Variants in NR5A2 observed in about 807,000 individuals in gnomAD.
NR5A2 encodes the protein nuclear receptor subfamily 5 group A member 2.
In NR5A2, 26 loss-of-function variants were observed where a neutral mutation model predicts 62.7. The ratio of observed to expected loss-of-function variants is 0.41; its 90% CI spans 0.30 to 0.58. The LOEUF is 0.58. NR5A2 is among the 20% of genes least tolerant of loss of function. The probability of loss-of-function intolerance (pLI) is 0.22; values close to 1 mark genes in which losing one functional copy is unlikely to be tolerated. For synonymous variants in NR5A2, 246 were observed against 241.7 expected, an observed-to-expected ratio of 1.02 and a Z score of -0.16; for missense variants, 541 against 669.1, an observed-to-expected ratio of 0.81 and a Z score of 2.11.
chr1:200,172,775 A>G (rs1481083275), intron 7 of NR5A2, among the ~76,000 whole-genome samples: 1 of 152,258 alleles, frequency 6.6e-6, no homozygotes, highest in African/African-American at 2.4e-5. Flanking sequence ...AAAACAGTAT[A>G]TAGTGGGTAT....
At chr1:200,077,979 T>A (rs926210489) in intron 5 of NR5A2, among the ~76,000 whole-genome samples, 3 of 152,136 alleles carry the variant, frequency 2.0e-5, no homozygotes, top group Non-Finnish European at 4.4e-5. Context: ...TTGCATGCAA[T>A]CCCAGGGCTT....
At chr1:200,121,197 G>A (rs879382059) in intron 7 of NR5A2, among the ~76,000 whole-genome samples, 3 of 152,240 alleles carry the variant, frequency 2.0e-5, no homozygotes, top group South Asian at 2.1e-4. Flanking sequence ...ATGAGTCCTG[G>A]TTTTTCTTCC....
chr1:200,090,283 C>T (rs1188806345), intron 5 of NR5A2, among the ~76,000 whole-genome samples: 7 of 152,168 alleles, frequency 4.6e-5, no homozygotes, highest in African/African-American at 1.7e-4. Flanking sequence ...AGTTCCCACA[C>T]CTTTTGGTCT....
intron 6 of NR5A2, among the ~76,000 whole-genome samples, chr1:200,113,176 T>C (rs145500133): frequency 6.6e-6 from 1 of 152,096 alleles, no homozygotes; most frequent in African/African-American, 2.4e-5. Flanking sequence ...GGTGGAGAAA[T>C]AGTTATTTCC....
intron 5 of NR5A2, among the ~76,000 whole-genome samples, chr1:200,070,185 A>G (rs1663672625): frequency 6.6e-6 from 1 of 152,092 alleles, no homozygotes; most frequent in Admixed American, 6.5e-5. Flanking sequence ...CCTGTTCATA[A>G]TAAGCTGTCA....
intron 5 of NR5A2, chr1:200,057,955 G>C (rs1662996579): frequency 6.6e-6 from 1 of 152,586 alleles, no homozygotes; most frequent in Non-Finnish European, 1.5e-5. Flanking sequence ...GCGCCACCAT[G>C]CCTAGCTAAT....
chr1:200,092,438 G>T (rs1416782845), intron 5 of NR5A2, among the ~76,000 whole-genome samples: 1 of 152,156 alleles, frequency 6.6e-6, no homozygotes, highest in Non-Finnish European at 1.5e-5. Flanking sequence ...CTAGGCAAAG[G>T]TCACACAGAG....
intron 7 of NR5A2, among the ~76,000 whole-genome samples, chr1:200,131,289 A>G (rs949361543): frequency 2.6e-5 from 4 of 152,078 alleles, no homozygotes; most frequent in African/African-American, 9.7e-5. Flanking sequence ...GATGTAATTC[A>G]TTTTGGAGTT....
At chr1:200,120,703 T>TA (rs1384722324) in intron 6 of NR5A2, 105 bp from the exon 7 acceptor site, 3 of 1,208,234 alleles carry the variant, frequency 2.5e-6, no homozygotes, top group Admixed American at 5.9e-5. Context: ...TATTCTATTT[T>TA]AAAAACCTGT....
At chr1:200,066,588 C>CTTTCTTTTTTTTT (rs1663482080) in intron 5 of NR5A2, among the ~76,000 whole-genome samples, 1 of 113,156 alleles carries the variant, frequency 8.8e-6, no homozygotes, top group Non-Finnish European at 1.7e-5. Context: ...AATTAATTAT[C>CTTTCTTTTTTTTT]TTTTTTTTTT....
At chr1:200,167,837 T>C (rs1203366021) in intron 7 of NR5A2, among the ~76,000 whole-genome samples, 3 of 152,198 alleles carry the variant, frequency 2.0e-5, no homozygotes, top group Non-Finnish European at 4.4e-5. Context: ...TTCCACGCGT[T>C]GCTCAGCTCA....
At chr1:200,107,421 A>C (rs1360206561) in intron 5 of NR5A2, among the ~76,000 whole-genome samples, 1 of 152,124 alleles carries the variant, frequency 6.6e-6, no homozygotes, top group Non-Finnish European at 1.5e-5. Flanking sequence ...TTGCGAAAGC[A>C]GGGAGATTAT....
intron 5 of NR5A2, among the ~76,000 whole-genome samples, chr1:200,063,693 G>T (rs2821386): frequency 2.0e-5 from 3 of 152,060 alleles, no homozygotes; most frequent in East Asian, 1.9e-4. Context: ...ATTTTTCTTT[G>T]TTGTTGAATC....
At chr1:200,089,239 G>C (rs144611763) in intron 5 of NR5A2, among the ~76,000 whole-genome samples, 1,723 of 152,258 alleles carry the variant, frequency 0.011, 34 homozygotes, top group African/African-American at 0.039. Flanking sequence ...TTTTGAGACA[G>C]AGTCTTGCAC....
Position 200,147,645 on chromosome 1 carries a change from G to C in NR5A2, c.1379-26318G>C. On this transcript the variant is annotated intron_variant, in intron 7 of 7. Transcript: ENST00000367362. The surrounding 1 kb of genome is among the most constrained non-coding windows in gnomAD (Gnocchi z 4.9). ...GCCGCAGCTTGCCCTGGATCTTGTC[G>C]ATTGAGTTGAAGTCGGACACGTGGA... 1.4e-6 allele frequency: 1 copy of C among 706,596 alleles called. No individual in the cohort carries two copies. Among genetic ancestry groups the C allele is most frequent in the Non-Finnish European group, 2.7e-6 (1 of 376,198 alleles). The allele number at this position is 706,596 out of a possible 1,614,324, so 43.8% of individuals were successfully genotyped here. A position where few individuals can be genotyped will look rare whatever the true frequency, so the allele number is the denominator to read the frequency against.
At chr1:200,113,507 C>T (rs1456589510) in intron 6 of NR5A2, among the ~76,000 whole-genome samples, 1 of 152,182 alleles carries the variant, frequency 6.6e-6, no homozygotes, top group Admixed American at 6.5e-5. Flanking sequence ...CAAAGGAAGA[C>T]TTCAAAAGCC....
Position 200,111,337 on chromosome 1 carries a change from A to G in NR5A2, c.1230+16A>G. Reference sequence around the variant, plus strand: ...TGGGCAACAAGTGAGTGTAGAGACCAAAAAAAAAAAAAAAGCATCTTTTTA... The same window carrying G: ...TGGGCAACAAGTGAGTGTAGAGACCGAAAAAAAAAAAAAAGCATCTTTTTA... On this transcript the variant is annotated intron_variant, in intron 6 of 7. Coordinates refer to ENST00000367362, the MANE Select transcript of NR5A2 (RefSeq NM_205860.3). The G allele has an allele frequency of 3.5e-6, 1 of 285,918 alleles. No individual in the cohort carries two copies. The highest frequency in any genetic ancestry group is 5.4e-6 in the Non-Finnish European group (1 of 186,184). The allele number at this position is 285,918 out of a possible 1,614,324, so 17.7% of individuals were successfully genotyped here. A position where few individuals can be genotyped will look rare whatever the true frequency, so the allele number is the denominator to read the frequency against.
At chr1:200,119,935 G>A (rs1005995824) in intron 6 of NR5A2, among the ~76,000 whole-genome samples, 1 of 152,004 alleles carries the variant, frequency 6.6e-6, no homozygotes, top group Admixed American at 6.5e-5. Flanking sequence ...TAATGAAAAG[G>A]GAAATAAGCC....
intron 4 of NR5A2, among the ~76,000 whole-genome samples, chr1:200,047,951 T>A (rs1167546286): frequency 6.6e-6 from 1 of 152,148 alleles, no homozygotes; most frequent in Non-Finnish European, 1.5e-5. Flanking sequence ...TATGTCCCTA[T>A]GTGGCCAAAG....
Sources: gnomAD v4.1 joint callset for allele counts (sites outside exome capture counted in the v4.1 genomes callset) on GRCh38, gnomAD v4.1.1 for gene constraint, Gnocchi (gnomAD v3.1) non-coding constraint, MANE v1.5 for transcripts, NCBI Gene and HGNC (gene_info 2026-07-23, HGNC 2026-07-21) for gene names.